The following KCTD8 variants were observed in gnomAD, a reference collection of about 807,000 sequenced individuals.
The protein encoded by KCTD8 is BTB/POZ domain-containing protein KCTD8.
KCTD8 carries 27 observed loss-of-function variants against 31.5 expected under a neutral mutation model. That is an observed-to-expected ratio of 0.86 (90% CI 0.63 to 1.18). The LOEUF is 1.18. Among genes scored for constraint, KCTD8 ranks in the 50% most tolerant of loss-of-function variants. The probability of loss-of-function intolerance (pLI) is 0.00; values close to 1 mark genes in which losing one functional copy is unlikely to be tolerated. For missense variants in KCTD8, 658 were observed against 647.7 expected (o/e 1.02, Z -0.17); for synonymous variants, 290 against 280.0 (o/e 1.04, Z -0.36).
chr4:44,316,592 G>T (rs774468325), intron 1 of KCTD8, among the ~76,000 whole-genome samples: 7 of 151,670 alleles, frequency 4.6e-5, no homozygotes, highest in Admixed American at 3.3e-4. Context: ...AATATCAATC[G>T]CAATTTCTAT....
At position 44,258,839 on chromosome 4, in the gene KCTD8, C is replaced by T. The variant is rs111410097; in HGVS notation, c.962-83589G>A. On this transcript the variant is annotated intron_variant, in intron 1 of 1. Transcript: ENST00000360029. ...TTGCTTGGATTGTAATAAAAAACCA[C>T]CACTTAAGAACTATGAGCTCTTGAG... Among the ~76,000 whole-genome samples, 1,376 of 151,866 alleles carry T rather than the reference C, an allele frequency of 9.1e-3. 19 individuals are homozygous for T. Among genetic ancestry groups the T allele is most frequent in the African/African-American group, 0.031 (1,287 of 41,486 alleles).
intron 1 of KCTD8, among the ~76,000 whole-genome samples, chr4:44,357,832 C>T (rs1013426973): frequency 5.3e-5 from 8 of 151,498 alleles, no homozygotes; most frequent in African/African-American, 1.9e-4. Context: ...GAAACATGAA[C>T]ATTAAAGGAT....
intron 1 of KCTD8, among the ~76,000 whole-genome samples, chr4:44,232,582 G>T (rs1715154860): frequency 6.6e-6 from 1 of 152,084 alleles, no homozygotes; most frequent in Non-Finnish European, 1.5e-5. Flanking sequence ...ACAGAAAAAA[G>T]GAATTCAGCA....
chr4:44,280,318 T>C (rs1480604529), intron 1 of KCTD8, among the ~76,000 whole-genome samples: 6 of 152,044 alleles, frequency 3.9e-5, no homozygotes, highest in African/African-American at 1.4e-4. Flanking sequence ...CAATATATGA[T>C]TCATACTGCT....
intron 1 of KCTD8, among the ~76,000 whole-genome samples, chr4:44,297,377 CCT>C (rs1277902442): frequency 6.6e-6 from 1 of 152,092 alleles, no homozygotes; most frequent in African/African-American, 2.4e-5. Flanking sequence ...AACATGGTCC[CCT>C]GTTTCTCAGA....
intron 1 of KCTD8, among the ~76,000 whole-genome samples, chr4:44,353,147 C>A (rs994996429): frequency 3.3e-5 from 5 of 152,070 alleles, no homozygotes; most frequent in African/African-American, 9.7e-5. Context: ...CCACAGACAA[C>A]CACTAACCTG....
chr4:44,191,036 G>A (rs1400249574), intron 1 of KCTD8, among the ~76,000 whole-genome samples: 4 of 152,156 alleles, frequency 2.6e-5, no homozygotes, highest in East Asian at 1.9e-4. Flanking sequence ...ACCCTGAATG[G>A]AGGGACCGGC....
chr4:44,320,198 AAGAG>A (rs1318727240), intron 1 of KCTD8, among the ~76,000 whole-genome samples: 1,979 of 145,538 alleles, frequency 0.014, 41 homozygotes, highest in Non-Finnish European at 0.021. Flanking sequence ...AAAAAAAAAA[AAGAG>A]AGAGAGAATT....
In KCTD8 at chr4:44,298,411, C is replaced by CG. The variant is rs1244295238; in HGVS notation, c.962-123162_962-123161insC. Among the ~76,000 whole-genome samples, 8 of 151,322 alleles carry CG rather than the reference C, an allele frequency of 5.3e-5. No homozygotes were observed. In the East Asian group the frequency reaches 1.6e-3, roughly 30 times the overall value. ...CTCCTTCACACTAATGATCTGCCCC[C>CG]CCCACCTCTTTATTTTTCTGTATAA... is the stretch of plus-strand genomic sequence containing the variant. On this transcript the variant is annotated intron_variant, in intron 1 of 1. Transcript: ENST00000360029.
At chr4:44,265,339 G>C (rs1716313023) in intron 1 of KCTD8, among the ~76,000 whole-genome samples, 1 of 152,158 alleles carries the variant, frequency 6.6e-6, no homozygotes, top group Admixed American at 6.5e-5. Flanking sequence ...GGTACTGTAT[G>C]TTAGAAGGAA....
chr4:44,249,910 C>A (rs1384827172), intron 1 of KCTD8, among the ~76,000 whole-genome samples: 2 of 151,640 alleles, frequency 1.3e-5, no homozygotes, highest in African/African-American at 4.8e-5. Flanking sequence ...CCAGAAGTAA[C>A]CACTATTCTG....
intron 1 of KCTD8, among the ~76,000 whole-genome samples, chr4:44,336,468 A>T (rs1183458301): frequency 2.0e-5 from 3 of 151,986 alleles, no homozygotes; most frequent in Non-Finnish European, 2.9e-5. Flanking sequence ...TATCATACTC[A>T]ATTAGACAAC....
chr4:44,448,696 G>T lies in KCTD8; in HGVS notation c.-173C>A. The stretch of plus-strand genomic sequence containing the variant: ...TCGGGGCAGCGGCGGCGTCGGCGGC[G>T]CCCGAGCTCCATCGGAGGAGAGACG... On this transcript the variant is annotated 5_prime_UTR_variant, in exon 1 of 2. Coordinates refer to ENST00000360029, the MANE Select transcript of KCTD8 (RefSeq NM_198353.3). This position sits in a 1 kb window ranked among gnomAD's most constrained non-coding sequence, Gnocchi z 4.1. 3.5e-6 allele frequency: 2 copies of T among 570,896 alleles called. No individual in the cohort carries two copies. The highest frequency in any genetic ancestry group is 1.9e-5 in the African/African-American group (1 of 51,574). 35.4% of individuals were successfully genotyped at this position (570,896 alleles called of 1,614,324 possible). A position where few individuals can be genotyped will look rare whatever the true frequency, so the allele number is the denominator to read the frequency against.
In KCTD8 at chr4:44,326,884, C is replaced by T. The variant is rs368315811; in HGVS notation, c.961+120679G>A. ...AATTAACCAGCTCATATTCCTCATC[C>T]CTTTATTCTGCCAAATGGGAAAACT... On this transcript the variant is annotated intron_variant, in intron 1 of 1. Coordinates refer to ENST00000360029, the MANE Select transcript of KCTD8 (RefSeq NM_198353.3). Among the ~76,000 whole-genome samples the T allele has an allele frequency of 4.3e-4, 66 of 151,930 alleles. 1 individual carries two copies. Among genetic ancestry groups the T allele is most frequent in the African/African-American group, 1.4e-3 (56 of 41,392 alleles).
chr4:44,185,034 C>T (rs1252707071), intron 1 of KCTD8, among the ~76,000 whole-genome samples: 1 of 152,174 alleles, frequency 6.6e-6, no homozygotes, highest in Non-Finnish European at 1.5e-5. Context: ...TATAATGTAG[C>T]ATGAGAAAAG....
rs565887739 is a variant in KCTD8 at position 44,314,453 on chromosome 4, G to A, written c.961+133110C>T. ...GTAGGAGGGGAAACGCAGTATCATA[G>A]AAGCCAATTAATAAGATATTTTATT... On this transcript the variant is annotated intron_variant, in intron 1 of 1. Transcript: ENST00000360029. 4.6e-5 allele frequency among the ~76,000 whole-genome samples: 7 copies of A among 152,206 alleles called. No individual in the cohort carries two copies. In the East Asian group the frequency reaches 1.2e-3, roughly 25 times the overall value.
chr4:44,248,113 A>T (rs1577574062), intron 1 of KCTD8, among the ~76,000 whole-genome samples: 1 of 152,008 alleles, frequency 6.6e-6, no homozygotes, highest in East Asian at 1.9e-4. Context: ...TAACACTTAC[A>T]TGACAATAAT....
At chr4:44,367,309 G>A (rs780057803) in intron 1 of KCTD8, among the ~76,000 whole-genome samples, 1 of 151,996 alleles carries the variant, frequency 6.6e-6, no homozygotes, top group Non-Finnish European at 1.5e-5. Flanking sequence ...GCACTACAAG[G>A]ACACAGCCTG....
intron 1 of KCTD8, among the ~76,000 whole-genome samples, chr4:44,284,865 G>A (rs1429136506): frequency 6.6e-6 from 1 of 152,108 alleles, no homozygotes; most frequent in Non-Finnish European, 1.5e-5. Context: ...AAAGATATAT[G>A]AAAAAATGCT....
Sources: allele counts gnomAD v4.1 joint callset (sites outside exome capture counted in the v4.1 genomes callset), GRCh38; gene constraint gnomAD v4.1.1; non-coding constraint Gnocchi (gnomAD v3.1); transcripts MANE v1.5; gene names NCBI Gene and HGNC (gene_info 2026-07-23, HGNC 2026-07-21).